ERP44: variants seen among roughly 807,000 people sequenced by gnomAD.
ERP44 encodes the protein endoplasmic reticulum protein 44, also known as endoplasmic reticulum resident protein 44.
A neutral mutation model predicts 53.4 loss-of-function variants in ERP44; 25 were observed. The ratio of observed to expected loss-of-function variants is 0.47; its 90% CI spans 0.34 to 0.65. The LOEUF (loss-of-function observed/expected upper bound fraction) is 0.65, where lower values mean the gene tolerates loss of function less well. Among genes scored for constraint, ERP44 ranks in the 30% least tolerant of loss-of-function variants. ERP44 has a pLI of 0.01. For synonymous variants in ERP44, 145 were observed against 161.2 expected (o/e 0.90, Z 0.76); for missense variants, 338 against 493.2 (o/e 0.69, Z 2.98).
At chr9:100,003,472 A>C (rs1830398891) in intron 10 of ERP44, among the ~76,000 whole-genome samples, 1 of 152,230 alleles carries the variant, frequency 6.6e-6, no homozygotes, top group South Asian at 2.1e-4. Flanking sequence ...CTAGTCAGTC[A>C]ATTCAGGGAT....
chr9:100,024,760 A>G (rs1274622233), intron 4 of ERP44, among the ~76,000 whole-genome samples: 6 of 152,198 alleles, frequency 3.9e-5, no homozygotes, highest in Admixed American at 1.3e-4. Context: ...CATATATAAA[A>G]CTGAGTAATT....
At chr9:99,982,987 T>C (rs1830163306) in intron 11 of ERP44, among the ~76,000 whole-genome samples, 1 of 152,132 alleles carries the variant, frequency 6.6e-6, no homozygotes, top group Non-Finnish European at 1.5e-5. Flanking sequence ...GGGACCAAAA[T>C]ACCTGACACC....
chr9:99,980,584 T>G lies in ERP44; in HGVS notation c.*2028A>C, dbSNP rs2118590339. On this transcript the variant is annotated 3_prime_UTR_variant, in exon 12 of 12. Coordinates refer to ENST00000262455, the MANE Select transcript of ERP44 (RefSeq NM_015051.3). Reference sequence around the variant, plus strand: ...CAAGTCCTAATGAGTGCTGAGCCCCTCAGGGTAAAAAAGTAACCAAGGTCA... The same window carrying G: ...CAAGTCCTAATGAGTGCTGAGCCCCGCAGGGTAAAAAAGTAACCAAGGTCA... The G allele has an allele frequency of 6.6e-6, 1 of 152,372 alleles. No individual in the cohort carries two copies. Among genetic ancestry groups the G allele is most frequent in the African/African-American group, 2.4e-5 (1 of 41,576 alleles). The allele number at this position is 152,372 out of a possible 1,614,324, so 9.4% of individuals were successfully genotyped here.
intron 4 of ERP44, among the ~76,000 whole-genome samples, chr9:100,050,108 GC>G (rs1826020414): frequency 6.6e-6 from 1 of 151,022 alleles, no homozygotes; most frequent in African/African-American, 2.4e-5. Context: ...TCTAGAAAAT[GC>G]AAACCAATCT....
At chr9:99,990,589 G>C (rs1184587840) in intron 10 of ERP44, among the ~76,000 whole-genome samples, 3 of 151,834 alleles carry the variant, frequency 2.0e-5, no homozygotes, top group African/African-American at 7.3e-5. Context: ...ATTGATGCTA[G>C]GAAGAAACTG....
chr9:100,037,987 T>G (rs1010787709), intron 4 of ERP44, among the ~76,000 whole-genome samples: 3 of 152,058 alleles, frequency 2.0e-5, no homozygotes, highest in African/African-American at 7.2e-5. Flanking sequence ...TGGGATAACA[T>G]CCCACTATTA....
rs1480258396 is a variant in ERP44, at chr9:99,979,471, T to C, written c.*3141A>G. The C allele has an allele frequency of 6.6e-6, 1 of 152,660 alleles. No individual in the cohort carries two copies. The highest frequency in any genetic ancestry group is 1.5e-5 in the Non-Finnish European group (1 of 68,320). 9.5% of individuals were successfully genotyped at this position (152,660 alleles called of 1,614,324 possible). ...GTTTTCCCTTCTTTTGCAAATGATC[T>C]TTGACAACCTGGCTTCATCAGAGAG... On this transcript the variant is annotated 3_prime_UTR_variant, in exon 12 of 12. Coordinates refer to ENST00000262455, the MANE Select transcript of ERP44 (RefSeq NM_015051.3).
chr9:100,091,426 T>A (rs1290808362), intron 1 of ERP44, among the ~76,000 whole-genome samples: 3 of 152,236 alleles, frequency 2.0e-5, no homozygotes, highest in African/African-American at 7.2e-5. Context: ...TGATTTTTAT[T>A]TTTGCTAAGT....
intron 10 of ERP44, among the ~76,000 whole-genome samples, chr9:99,987,769 C>G (rs2118600895): frequency 1.4e-5 from 2 of 147,604 alleles, no homozygotes; most frequent in East Asian, 3.9e-4. Flanking sequence ...ATAAGAATGG[C>G]TTTTTTTTTT....
At chr9:100,038,164 G>C (rs538057672) in intron 4 of ERP44, among the ~76,000 whole-genome samples, 1 of 152,190 alleles carries the variant, frequency 6.6e-6, no homozygotes, top group African/African-American at 2.4e-5. Flanking sequence ...TCATCTGAAC[G>C]TACTAAAGTC....
intron 1 of ERP44, among the ~76,000 whole-genome samples, chr9:100,062,607 G>A (rs1256702470): frequency 6.6e-6 from 1 of 152,154 alleles, no homozygotes; most frequent in Admixed American, 6.5e-5. Flanking sequence ...GGCATGGTGT[G>A]CGCTACCTCA....
intron 4 of ERP44, among the ~76,000 whole-genome samples, chr9:100,036,853 G>A (rs1456853857): frequency 3.3e-5 from 5 of 151,992 alleles, no homozygotes; most frequent in African/African-American, 1.2e-4. Flanking sequence ...GAGGGTGGGA[G>A]GGGTAGTGGG....
rs1001385241 is a variant in ERP44 at position 99,983,875 on chromosome 9, G to C, written c.1119+1092C>G. On this transcript the variant is annotated intron_variant, in intron 11 of 11. Transcript: ENST00000262455. ...ACTATAAAACAAACATTTATTTGGT[G>C]CCCTCTGTTAGTACACAAAGATGAA... is the stretch of plus-strand genomic sequence containing the variant. Among the ~76,000 whole-genome samples, 19 of 152,258 alleles carry C rather than the reference G, an allele frequency of 1.2e-4. 1 individual carries two copies. Among genetic ancestry groups the C allele is most frequent in the African/African-American group, 4.6e-4 (19 of 41,540 alleles).
At chr9:100,017,162 A>G (rs1264037446) in intron 7 of ERP44, among the ~76,000 whole-genome samples, 1 of 152,244 alleles carries the variant, frequency 6.6e-6, no homozygotes, top group African/African-American at 2.4e-5. Flanking sequence ...TAAAATGATG[A>G]TAAAAATAAT....
chr9:100,013,705 T>C (rs1209199121), intron 8 of ERP44, among the ~76,000 whole-genome samples: 1 of 152,234 alleles, frequency 6.6e-6, no homozygotes, highest in Non-Finnish European at 1.5e-5. Flanking sequence ...GGTAGGAATG[T>C]AAACTGCTAA....
intron 1 of ERP44, among the ~76,000 whole-genome samples, chr9:100,068,431 G>A (rs1281726527): frequency 4.6e-5 from 6 of 131,282 alleles, no homozygotes; most frequent in Non-Finnish European, 6.6e-5. Flanking sequence ...CGCCCCGTCC[G>A]GGAGGTGAGA....
intron 4 of ERP44, among the ~76,000 whole-genome samples, chr9:100,049,555 C>T (rs1207776838): frequency 6.6e-6 from 1 of 152,046 alleles, no homozygotes. Flanking sequence ...AATTAAACCA[C>T]AAGGAGACAC....
intron 6 of ERP44, among the ~76,000 whole-genome samples, chr9:100,018,599 G>A (rs1180686957): frequency 6.6e-6 from 1 of 151,918 alleles, no homozygotes; most frequent in Non-Finnish European, 1.5e-5. Flanking sequence ...CAAGGTCATT[G>A]GTTTGGTCAC....
chr9:100,060,201 A>G (rs778352072), intron 1 of ERP44, 29 bp from the exon 2 acceptor site: 1 of 1,456,658 alleles, frequency 6.9e-7, no homozygotes, highest in South Asian at 1.5e-5. Flanking sequence ...AGAAATTAAT[A>G]AATGTGTCCA....
Sources: allele counts gnomAD v4.1 joint callset (sites outside exome capture counted in the v4.1 genomes callset), GRCh38; gene constraint gnomAD v4.1.1; transcripts MANE v1.5; gene names NCBI Gene and HGNC (gene_info 2026-07-23, HGNC 2026-07-21).